The following RAPGEF5 variants were observed in gnomAD, a reference collection of about 807,000 sequenced individuals.
RAPGEF5 encodes the protein M-Ras-regulated GEF.
RAPGEF5 carries 65 observed loss-of-function variants against 125.2 expected under a neutral mutation model. That is an observed-to-expected ratio of 0.52 (90% CI 0.43 to 0.64). The LOEUF (loss-of-function observed/expected upper bound fraction) is 0.64, where lower values mean the gene tolerates loss of function less well. RAPGEF5 is among the 30% of genes least tolerant of loss of function. RAPGEF5 has a pLI of 0.00. For missense variants in RAPGEF5, 958 were observed against 1,048.1 expected (o/e 0.91, Z 1.19); for synonymous variants, 391 against 385.9 (o/e 1.01, Z -0.16).
At chr7:22,211,347 G>A (rs188334100) in intron 9 of RAPGEF5, among the ~76,000 whole-genome samples, 9 of 152,274 alleles carry the variant, frequency 5.9e-5, no homozygotes, top group South Asian at 2.1e-4. Flanking sequence ...TATTTAAAGC[G>A]AACATATCTG....
chr7:22,169,989 C>T (rs958994817), intron 11 of RAPGEF5, among the ~76,000 whole-genome samples: 3 of 149,416 alleles, frequency 2.0e-5, no homozygotes, highest in Non-Finnish European at 4.4e-5. Context: ...TTAGCCTGGG[C>T]GACACAGAGA....
chr7:22,303,284 T>G (rs1783255071), intron 5 of RAPGEF5, among the ~76,000 whole-genome samples: 1 of 152,220 alleles, frequency 6.6e-6, no homozygotes, highest in Non-Finnish European at 1.5e-5. Context: ...TAACTGTTCT[T>G]TTTTCCCCCA....
intron 7 of RAPGEF5, 66 bp downstream of exon 7, chr7:22,266,895 TACC>T (rs1039361822): frequency 5.5e-6 from 8 of 1,462,884 alleles, no homozygotes; most frequent in South Asian, 1.1e-5. Context: ...AACTGCACAC[TACC>T]AGATGATATG....
chr7:22,273,567 T>A (rs548171641), intron 6 of RAPGEF5, among the ~76,000 whole-genome samples: 1 of 152,342 alleles, frequency 6.6e-6, no homozygotes, highest in African/African-American at 2.4e-5. Context: ...CAAACAAATA[T>A]GCATGTTAAC....
intron 6 of RAPGEF5, among the ~76,000 whole-genome samples, chr7:22,286,170 C>T (rs193133043): frequency 6.6e-6 from 1 of 151,892 alleles, no homozygotes; most frequent in Admixed American, 6.6e-5. Context: ...TAAATTCCCC[C>T]CCACCACCAC....
chr7:22,162,184 A>T (rs1784022074), intron 13 of RAPGEF5, among the ~76,000 whole-genome samples: 1 of 136,448 alleles, frequency 7.3e-6, no homozygotes, highest in Admixed American at 7.9e-5. Context: ...ACCTTCCTTA[A>T]TTATTTCATT....
At chr7:22,134,304 CAAAG>C (rs1240320387) in intron 23 of RAPGEF5, among the ~76,000 whole-genome samples, 2 of 152,002 alleles carry the variant, frequency 1.3e-5, no homozygotes, top group African/African-American at 2.4e-5. Context: ...AAAATTAAGA[CAAAG>C]GAAAACTAAG....
intron 18 of RAPGEF5, among the ~76,000 whole-genome samples, chr7:22,149,646 A>G (rs78916364): frequency 0.024 from 3,593 of 152,158 alleles, 50 homozygotes; most frequent in Middle Eastern, 0.065. Context: ...CTGACGTCCC[A>G]TCACCATGAC....
chr7:22,226,124 G>C (rs970714418), intron 8 of RAPGEF5, among the ~76,000 whole-genome samples: 1 of 152,100 alleles, frequency 6.6e-6, no homozygotes, highest in African/African-American at 2.4e-5. Flanking sequence ...AAAACACCTA[G>C]GTAAAACATG....
At chr7:22,145,532 C>T (rs764119757) in intron 19 of RAPGEF5, among the ~76,000 whole-genome samples, 2 of 152,196 alleles carry the variant, frequency 1.3e-5, no homozygotes, top group Non-Finnish European at 2.9e-5. Flanking sequence ...ATTTCCCAAA[C>T]TTGTCATGTT....
At chr7:22,322,534 C>A (rs1783736457) in intron 1 of RAPGEF5, among the ~76,000 whole-genome samples, 2 of 152,072 alleles carry the variant, frequency 1.3e-5, no homozygotes, top group South Asian at 4.2e-4. Context: ...TTGTAGATGA[C>A]AAAACTAGAC....
intron 5 of RAPGEF5, among the ~76,000 whole-genome samples, chr7:22,301,614 C>CAAAA (rs35404390): frequency 3.6e-5 from 3 of 83,804 alleles, no homozygotes; most frequent in Non-Finnish European, 7.1e-5. Flanking sequence ...GACTCTGTCT[C>CAAAA]AAAAAAAAAA....
At chr7:22,127,222 A>G (rs1039815437) in intron 24 of RAPGEF5, among the ~76,000 whole-genome samples, 1 of 151,694 alleles carries the variant, frequency 6.6e-6, no homozygotes, top group Admixed American at 6.6e-5. Flanking sequence ...TATTTTTAGT[A>G]AAGACAGGGT....
intron 7 of RAPGEF5, among the ~76,000 whole-genome samples, chr7:22,246,198 T>C (rs897692268): frequency 4.6e-4 from 70 of 152,284 alleles, no homozygotes; most frequent in African/African-American, 1.6e-3. Flanking sequence ...GCTACCATTG[T>C]CATTTTTCAC....
At chr7:22,232,186 T>C (rs952711275) in intron 7 of RAPGEF5, among the ~76,000 whole-genome samples, 7 of 152,202 alleles carry the variant, frequency 4.6e-5, no homozygotes, top group African/African-American at 1.7e-4. Context: ...TAAATAGTTA[T>C]TCCTTGTATC....
intron 1 of RAPGEF5, among the ~76,000 whole-genome samples, chr7:22,346,545 T>G (rs1449206399): frequency 2.0e-5 from 3 of 152,246 alleles, no homozygotes; most frequent in South Asian, 2.1e-4. Context: ...TAATGAGAGA[T>G]AAAATAAATT....
intron 11 of RAPGEF5, among the ~76,000 whole-genome samples, chr7:22,167,627 A>G (rs1022149817): frequency 3.3e-5 from 5 of 152,194 alleles, no homozygotes; most frequent in African/African-American, 1.2e-4. Flanking sequence ...CAGAAGACAC[A>G]TATCAGGTTC....
chr7:22,182,308 C>G (rs921057728), intron 11 of RAPGEF5, among the ~76,000 whole-genome samples: 1 of 152,146 alleles, frequency 6.6e-6, no homozygotes, highest in Non-Finnish European at 1.5e-5. Flanking sequence ...GTTTTTCAAC[C>G]GTTGACACTG....
At chr7:22,224,281 T>C (rs1214090809) in intron 8 of RAPGEF5, among the ~76,000 whole-genome samples, 1 of 151,476 alleles carries the variant, frequency 6.6e-6, no homozygotes, top group Non-Finnish European at 1.5e-5. Flanking sequence ...GATGCTCTTT[T>C]AATCTACACT....
Sources: allele counts gnomAD v4.1 joint callset (sites outside exome capture counted in the v4.1 genomes callset), GRCh38; gene constraint gnomAD v4.1.1; transcripts MANE v1.5; gene names NCBI Gene and HGNC (gene_info 2026-07-23, HGNC 2026-07-21).